MDM2: variants seen among roughly 807,000 people sequenced by gnomAD.
MDM2 encodes the protein E3 ubiquitin-protein ligase Mdm2.
MDM2 carries 11 observed loss-of-function variants against 64.3 expected under a neutral mutation model. The ratio of observed to expected loss-of-function variants is 0.17; its 90% confidence interval spans 0.11 to 0.28. MDM2 has a LOEUF of 0.28. MDM2 is among the 10% of genes least tolerant of loss of function. The pLI, the probability that MDM2 is intolerant of heterozygous loss-of-function variation, is 1.00. For missense variants in MDM2, 388 were observed against 577.1 expected (o/e 0.67, Z 3.36); for synonymous variants, 194 against 192.9 (o/e 1.01, Z -0.05).
intron 7 of MDM2, among the ~76,000 whole-genome samples, chr12:68,826,895 G>A (rs779733802): frequency 5.9e-5 from 9 of 151,746 alleles, no homozygotes; most frequent in Admixed American, 1.3e-4. Flanking sequence ...TAAAAATCCC[G>A]GCCAGGTCCA....
chr12:68,831,659 A>G (rs1484015554), intron 8 of MDM2, among the ~76,000 whole-genome samples: 3 of 152,186 alleles, frequency 2.0e-5, no homozygotes, highest in Non-Finnish European at 4.4e-5. Context: ...TCCAAGGACC[A>G]CTTTTCCTCT....
At chr12:68,826,630 C>CA (rs1882344287) in intron 7 of MDM2, among the ~76,000 whole-genome samples, 1 of 120,256 alleles carries the variant, frequency 8.3e-6, no homozygotes, top group Non-Finnish European at 1.6e-5. Flanking sequence ...GCCTGGGGTA[C>CA]AGAGTGAGAC....
downstream of MDM2, chr12:68,849,034 CA>C (rs1205937352): frequency 2.6e-5 from 4 of 150,974 alleles, no homozygotes; most frequent in Non-Finnish European, 4.4e-5. Flanking sequence ...TTTTTAACCA[CA>C]AGGTGGGAGG....
intron 2 of MDM2, among the ~76,000 whole-genome samples, chr12:68,810,266 C>T (rs1400451974): frequency 1.3e-5 from 2 of 150,248 alleles, no homozygotes; most frequent in Admixed American, 1.3e-4. Flanking sequence ...GCCAAGATTG[C>T]GCCATTTCAC....
chr12:68,835,261 G>A (rs1430369117), intron 8 of MDM2, among the ~76,000 whole-genome samples: 2 of 152,160 alleles, frequency 1.3e-5, no homozygotes, highest in Non-Finnish European at 2.9e-5. Context: ...ATAATTAAAG[G>A]TGGAAGAGCC....
intron 10 of MDM2, among the ~76,000 whole-genome samples, chr12:68,838,944 T>C (rs956641791): frequency 2.0e-5 from 3 of 152,194 alleles, no homozygotes; most frequent in Admixed American, 6.5e-5. Flanking sequence ...TTGAGACATA[T>C]AACGTGATGT....
At chr12:68,837,830 A>T (rs1883431941) in intron 10 of MDM2, among the ~76,000 whole-genome samples, 1 of 137,164 alleles carries the variant, frequency 7.3e-6, no homozygotes. Context: ...TGCCTTTATT[A>T]TATTTGAATA....
At chr12:68,817,538 T>A (rs1321984335) in intron 4 of MDM2, among the ~76,000 whole-genome samples, 1 of 151,818 alleles carries the variant, frequency 6.6e-6, no homozygotes, top group East Asian at 2.0e-4. Flanking sequence ...TCACCTGAGG[T>A]TGGGAGTTGG....
rs1369765772 is a variant in MDM2, at chr12:68,814,564, TC to T, written c.174+939del. ...GAAAATAAGAATAGAATTTTTTTTT[TC>T]CCATCCAAATTAATGGACCCCCTGA... is the stretch of plus-strand genomic sequence containing the variant. On this transcript the variant is annotated intron_variant, in intron 3 of 10. Coordinates refer to ENST00000258149, the MANE Select transcript of MDM2 (RefSeq NM_002392.6). The T allele has an allele frequency of 3.7e-5, 13 of 355,084 alleles. No homozygotes were observed. In the East Asian group the frequency reaches 9.7e-4, roughly 26 times the overall value. 22.0% of individuals were successfully genotyped at this position (355,084 alleles called of 1,614,324 possible).
intron 2 of MDM2, among the ~76,000 whole-genome samples, chr12:68,810,926 C>A (rs138950864): frequency 1.1e-4 from 17 of 151,950 alleles, no homozygotes; most frequent in African/African-American, 3.6e-4. Flanking sequence ...AGTGCAATGG[C>A]GAGATCTTGT....
chr12:68,826,840 C>T (rs979254707), intron 7 of MDM2, among the ~76,000 whole-genome samples: 1 of 151,922 alleles, frequency 6.6e-6, no homozygotes, highest in Non-Finnish European at 1.5e-5. Flanking sequence ...GGAACACAAA[C>T]ATGATTAAGA....
At chr12:68,814,229 T>G (rs1881158172) in intron 3 of MDM2, among the ~76,000 whole-genome samples, 1 of 152,144 alleles carries the variant, frequency 6.6e-6, no homozygotes, top group Non-Finnish European at 1.5e-5. Flanking sequence ...ATTTTTTGTC[T>G]TTTTAGTAGA....
At chr12:68,829,030 G>A (rs1378269259) in intron 8 of MDM2, 99 bp downstream of exon 8, 5 of 1,179,600 alleles carry the variant, frequency 4.2e-6, no homozygotes, top group South Asian at 1.7e-5. Context: ...TGTGTCTTAC[G>A]AGATTGATAG....
intron 7 of MDM2, among the ~76,000 whole-genome samples, chr12:68,827,078 T>C (rs1882396916): frequency 6.6e-6 from 1 of 152,166 alleles, no homozygotes; most frequent in South Asian, 2.1e-4. Context: ...TTCAGGAGGC[T>C]GAGGCAGGAG....
chr12:68,821,404 A>T (rs764473089), intron 5 of MDM2, among the ~76,000 whole-genome samples: 2 of 152,088 alleles, frequency 1.3e-5, no homozygotes, highest in Non-Finnish European at 2.9e-5. Context: ...ACTGCTCCTA[A>T]AGCCCATCCT....
chr12:68,817,287 A>G (rs1262383646), intron 4 of MDM2, among the ~76,000 whole-genome samples: 2 of 152,240 alleles, frequency 1.3e-5, no homozygotes, highest in Non-Finnish European at 2.9e-5. Context: ...AGTTTTGGGC[A>G]CATACAAAGC....
At chr12:68,812,098 G>A (rs1459235460) in intron 2 of MDM2, among the ~76,000 whole-genome samples, 1 of 151,662 alleles carries the variant, frequency 6.6e-6, no homozygotes, top group Non-Finnish European at 1.5e-5. Flanking sequence ...AGCTAATATA[G>A]CATATAATAA....
In MDM2 at chr12:68,836,662, G is replaced by C. The variant is rs763854650; in HGVS notation, c.841-10G>C. 6.3e-7 allele frequency: 1 copy of C among 1,585,504 alleles called. No homozygotes were observed. The highest frequency in any genetic ancestry group is 8.7e-7 in the Non-Finnish European group (1 of 1,154,420). ...GCGATGAATTGATGCTAATGAATGTGTTTTATTAGGTATATCAAGTTACTG... is the reference window on the plus strand; with the variant it reads ...GCGATGAATTGATGCTAATGAATGTCTTTTATTAGGTATATCAAGTTACTG... On this transcript the variant is annotated splice_polypyrimidine_tract_variant and intron_variant, in intron 9 of 10. Transcript: ENST00000258149.
chr12:68,829,142 C>T (rs906888247), intron 8 of MDM2, among the ~76,000 whole-genome samples: 2 of 152,082 alleles, frequency 1.3e-5, no homozygotes, highest in African/African-American at 2.4e-5. Flanking sequence ...GGAGTAACAC[C>T]GGTATTGGTA....
Sources: allele counts gnomAD v4.1 joint callset (sites outside exome capture counted in the v4.1 genomes callset), GRCh38; gene constraint gnomAD v4.1.1; transcripts MANE v1.5; gene names NCBI Gene and HGNC (gene_info 2026-07-23, HGNC 2026-07-21).